Variants in TANC1 observed in about 807,000 individuals in gnomAD.
TANC1 encodes protein TANC1.
In TANC1, 77 loss-of-function variants were observed where a neutral mutation model predicts 149.7. That is an observed-to-expected ratio of 0.51 (90% CI 0.43 to 0.62). TANC1 has a LOEUF of 0.62. TANC1 is among the 20% of genes least tolerant of loss of function. TANC1 has a pLI of 0.00. For synonymous variants in TANC1, 854 were observed against 925.0 expected (o/e 0.92, Z 1.39); for missense variants, 1,985 against 2,321.8 (o/e 0.85, Z 2.98).
At chr2:159,228,716 C>T (rs1176398180) in intron 25 of TANC1, 80 bp from the exon 26 acceptor site, 15 of 1,033,188 alleles carry the variant, frequency 1.5e-5, no homozygotes, top group Non-Finnish European at 2.3e-5. Flanking sequence ...CGCTGCTACC[C>T]TTTAGAACAA....
chr2:159,003,637 T>G (rs2036828104), intron 2 of TANC1, among the ~76,000 whole-genome samples: 1 of 152,182 alleles, frequency 6.6e-6, no homozygotes, highest in Non-Finnish European at 1.5e-5. Flanking sequence ...AGCTCTTCAT[T>G]AACAATATTT....
Position 159,231,405 on chromosome 2 carries a change from C to T in TANC1, c.*393C>T, listed in dbSNP as rs1404848968. On this transcript the variant is annotated 3_prime_UTR_variant, in exon 27 of 27. Coordinates refer to ENST00000263635, the MANE Select transcript of TANC1 (RefSeq NM_033394.3). ...GTTTAACTCATGACCAAGTGATGTA[C>T]ATCCAAGTGATGTATTCTGGAAACG... 1.2e-5 allele frequency: 2 copies of T among 164,454 alleles called. No individual in the cohort carries two copies. The highest frequency in any genetic ancestry group is 2.7e-5 in the Non-Finnish European group (2 of 74,840). The allele number at this position is 164,454 out of a possible 1,614,324, so 10.2% of individuals were successfully genotyped here. A position where few individuals can be genotyped will look rare whatever the true frequency, so the allele number is the denominator to read the frequency against.
intron 1 of TANC1, among the ~76,000 whole-genome samples, chr2:158,991,607 A>C (rs1400643694): frequency 6.6e-6 from 1 of 152,078 alleles, no homozygotes; most frequent in Non-Finnish European, 1.5e-5. Flanking sequence ...CAAAAAAATT[A>C]GCCAGGCGTG....
intron 4 of TANC1, among the ~76,000 whole-genome samples, chr2:159,130,942 T>A (rs1283134386): frequency 6.6e-6 from 1 of 152,144 alleles, no homozygotes; most frequent in Non-Finnish European, 1.5e-5. Flanking sequence ...GTATATAAGG[T>A]GCTAAAAGCT....
intron 2 of TANC1, among the ~76,000 whole-genome samples, chr2:159,045,392 A>G (rs1483686396): frequency 1.3e-5 from 2 of 152,212 alleles, no homozygotes; most frequent in Non-Finnish European, 2.9e-5. Flanking sequence ...AGATTGCACC[A>G]CTGCACAACA....
chr2:159,164,682 C>T (rs1022464703), intron 8 of TANC1, among the ~76,000 whole-genome samples: 10 of 152,224 alleles, frequency 6.6e-5, no homozygotes, highest in Admixed American at 1.3e-4. Context: ...TCCGCTCCTA[C>T]GTCAGAGAAT....
intron 4 of TANC1, among the ~76,000 whole-genome samples, chr2:159,106,726 C>G (rs1559270903): frequency 1.3e-5 from 2 of 152,250 alleles, no homozygotes; most frequent in East Asian, 3.9e-4. Flanking sequence ...TCCGTAAAAC[C>G]TTCTTAAGTT....
Position 159,231,063 on chromosome 2 carries a change from G to C in TANC1, c.*51G>C. ...ATTTGGAAACGTGTGTTGACTCCTG[G>C]TGGTAAATTAAATAGTTTTTTTCAT... On this transcript the variant is annotated 3_prime_UTR_variant, in exon 27 of 27. Transcript: ENST00000263635. 7.2e-7 allele frequency: 1 copy of C among 1,395,504 alleles called. No individual in the cohort carries two copies. The highest frequency in any genetic ancestry group is 1.8e-4 in the Middle Eastern group (1 of 5,434). 86.4% of individuals were successfully genotyped at this position (1,395,504 alleles called of 1,614,324 possible).
At chr2:159,175,734 A>G (rs6749554) in intron 12 of TANC1, among the ~76,000 whole-genome samples, 146,205 of 152,314 alleles carry the variant, frequency 0.96, 70,419 homozygotes, top group East Asian at 1. Flanking sequence ...TTACTTGCCC[A>G]CATGGCACCT....
chr2:159,094,319 A>G (rs1055796300), intron 3 of TANC1, among the ~76,000 whole-genome samples: 2 of 152,170 alleles, frequency 1.3e-5, no homozygotes, highest in African/African-American at 4.8e-5. Context: ...CGTCTTTTGT[A>G]TGTAATGTTC....
intron 4 of TANC1, among the ~76,000 whole-genome samples, chr2:159,135,177 T>C (rs187174554): frequency 7.5e-4 from 115 of 152,334 alleles, no homozygotes; most frequent in African/African-American, 2.7e-3. Context: ...ATTCTGGGCA[T>C]GACATATGAA....
At chr2:158,976,460 G>A (rs1425240095) in intron 1 of TANC1, among the ~76,000 whole-genome samples, 2 of 152,134 alleles carry the variant, frequency 1.3e-5, no homozygotes, top group African/African-American at 4.8e-5. Context: ...GAAAATGGGC[G>A]AGTGGTTTAA....
chr2:159,120,737 G>T (rs1003005334), intron 4 of TANC1, among the ~76,000 whole-genome samples: 3 of 152,066 alleles, frequency 2.0e-5, no homozygotes, highest in Non-Finnish European at 4.4e-5. Context: ...CTCCCAAGTA[G>T]CTGGGACTAC....
At chr2:159,140,686 A>ATTTTT (rs375936311) in intron 5 of TANC1, among the ~76,000 whole-genome samples, 3 of 109,798 alleles carry the variant, frequency 2.7e-5, no homozygotes, top group Admixed American at 1.1e-4. Context: ...GAGATTCTCT[A>ATTTTT]TTTTTTTTTT....
At chr2:159,206,784 T>G (rs1039843798) in intron 19 of TANC1, among the ~76,000 whole-genome samples, 1 of 152,190 alleles carries the variant, frequency 6.6e-6, no homozygotes, top group Non-Finnish European at 1.5e-5. Context: ...CTTTTTACAC[T>G]GAGACCTCAT....
At chr2:159,047,156 T>A (rs2041126453) in intron 2 of TANC1, among the ~76,000 whole-genome samples, 1 of 151,572 alleles carries the variant, frequency 6.6e-6, no homozygotes, top group Non-Finnish European at 1.5e-5. Flanking sequence ...TCATAGGTAC[T>A]TTTAAATCAG....
rs866337449 is a variant in TANC1, at chr2:159,225,581, C to G, written c.3812-107C>G. Reference sequence around the variant, plus strand: ...CTCCCTCATCGTGCTGTGGTCCTTGCAGCTGGGCTCCTGCTGGTGCTGACC... The same window carrying G: ...CTCCCTCATCGTGCTGTGGTCCTTGGAGCTGGGCTCCTGCTGGTGCTGACC... On this transcript the variant is annotated intron_variant, in intron 23 of 26. Coordinates refer to ENST00000263635, the MANE Select transcript of TANC1 (RefSeq NM_033394.3). 28 of 817,782 alleles carry G rather than the reference C, an allele frequency of 3.4e-5. No homozygotes were observed. The African/African-American group carries it at 4.0e-4, about 12-fold the overall frequency. The allele number at this position is 817,782 out of a possible 1,614,324, so 50.7% of individuals were successfully genotyped here.
chr2:159,041,447 G>A (rs183611269), intron 2 of TANC1, among the ~76,000 whole-genome samples: 1 of 152,144 alleles, frequency 6.6e-6, no homozygotes, highest in East Asian at 1.9e-4. Context: ...CACACAGTTC[G>A]AGCTTCCCGG....
At chr2:159,169,150 A>G in intron 8 of TANC1, 100 bp from the exon 9 acceptor site, 1 of 868,476 alleles carries the variant, frequency 1.2e-6, no homozygotes, top group Non-Finnish European at 1.7e-6. Context: ...TTTTGTTGAA[A>G]GCCTGAACTG....
Sources: gnomAD v4.1 joint callset for allele counts (sites outside exome capture counted in the v4.1 genomes callset) on GRCh38, gnomAD v4.1.1 for gene constraint, MANE v1.5 for transcripts, NCBI Gene and HGNC (gene_info 2026-07-23, HGNC 2026-07-21) for gene names.